Variants in CHST11 observed in about 807,000 individuals in gnomAD.
CHST11 encodes C4S-1.
Under a neutral mutation model 30.4 loss-of-function variants are expected in CHST11, and 9 were observed. That is an observed-to-expected ratio of 0.30 (90% CI 0.18 to 0.52). The LOEUF is 0.52. CHST11 is among the 20% of genes least tolerant of loss of function. The pLI is 0.97. For missense variants in CHST11, 348 were observed against 460.6 expected (o/e 0.76, Z 2.24); for synonymous variants, 152 against 187.8 (o/e 0.81, Z 1.56).
chr12:104,686,408 G>A (rs2039846999), intron 2 of CHST11, among the ~76,000 whole-genome samples: 1 of 152,096 alleles, frequency 6.6e-6, no homozygotes, highest in South Asian at 2.1e-4. Flanking sequence ...AGGTGCAGAA[G>A]ACAGTAAAGA....
intron 1 of CHST11, among the ~76,000 whole-genome samples, chr12:104,546,787 A>AG (rs1192568501): frequency 1.3e-5 from 2 of 152,322 alleles, no homozygotes; most frequent in East Asian, 3.9e-4. Context: ...AAGTCCAGAA[A>AG]CAAAAGAGAA....
intron 2 of CHST11, among the ~76,000 whole-genome samples, chr12:104,695,997 G>C (rs900951234): frequency 1.3e-5 from 2 of 152,204 alleles, no homozygotes; most frequent in Admixed American, 1.3e-4. Flanking sequence ...GCGGAGCTGA[G>C]AAAGGGAAGC....
intron 2 of CHST11, among the ~76,000 whole-genome samples, chr12:104,647,473 T>C (rs115563037): frequency 3.6e-4 from 55 of 152,222 alleles, no homozygotes; most frequent in African/African-American, 1.3e-3. Flanking sequence ...ATTCCTCTAC[T>C]CAAAGGTAAT....
chr12:104,586,477 G>C (rs11112112), intron 1 of CHST11, among the ~76,000 whole-genome samples: 53,548 of 152,066 alleles, frequency 0.35, 9,524 homozygotes, highest in East Asian at 0.48. Context: ...GGACTCAAGG[G>C]GAGGAGGCAG....
At chr12:104,589,873 GT>G (rs1048381129) in intron 1 of CHST11, among the ~76,000 whole-genome samples, 2 of 152,110 alleles carry the variant, frequency 1.3e-5, no homozygotes, top group African/African-American at 4.8e-5. Context: ...GCTGGGCGTG[GT>G]GGCACATGCC....
At chr12:104,681,909 C>T (rs1301024025) in intron 2 of CHST11, among the ~76,000 whole-genome samples, 7 of 144,304 alleles carry the variant, frequency 4.9e-5, no homozygotes, top group African/African-American at 1.3e-4. Context: ...CGGCTCCCTG[C>T]GAGCTCTGCC....
At chr12:104,648,176 G>A (rs181114770) in intron 2 of CHST11, among the ~76,000 whole-genome samples, 5 of 152,224 alleles carry the variant, frequency 3.3e-5, no homozygotes, top group Non-Finnish European at 7.4e-5. Context: ...TGCAATAATT[G>A]CTTCTTCACC....
Position 104,664,155 on chromosome 12 carries a change from C to T in CHST11, c.204+62164C>T, listed in dbSNP as rs544209528. ...TATATCACCTCTCTTCTATAAACCG[C>T]GAAATGCTGACTGTGCCTGTAGCCT... is the stretch of plus-strand genomic sequence containing the variant. On this transcript the variant is annotated intron_variant, in intron 2 of 2. Coordinates refer to ENST00000303694, the MANE Select transcript of CHST11 (RefSeq NM_018413.6). Among the ~76,000 whole-genome samples the T allele has an allele frequency of 7.9e-5, 12 of 152,254 alleles. No individual in the cohort carries two copies. The East Asian group carries it at 1.4e-3, about 17-fold the overall frequency.
intron 2 of CHST11, among the ~76,000 whole-genome samples, chr12:104,623,182 A>G (rs1206386734): frequency 1.3e-5 from 2 of 152,228 alleles, no homozygotes; most frequent in Non-Finnish European, 2.9e-5. Flanking sequence ...GCCGAGAGCC[A>G]GAGGTCTTGA....
At chr12:104,526,223 AAAAG>A (rs1358949278) in intron 1 of CHST11, among the ~76,000 whole-genome samples, 11 of 150,256 alleles carry the variant, frequency 7.3e-5, no homozygotes, top group East Asian at 6.1e-4. Context: ...CTTAAAAAAA[AAAAG>A]AAAAGAAAAG....
chr12:104,723,918 A>C (rs769819915), intron 2 of CHST11, among the ~76,000 whole-genome samples: 2 of 152,252 alleles, frequency 1.3e-5, no homozygotes, highest in Non-Finnish European at 2.9e-5. Flanking sequence ...CTGGGGAAGT[A>C]GGAGAAAGAC....
chr12:104,609,201 C>T lies in CHST11; in HGVS notation c.204+7210C>T, dbSNP rs761635631. The stretch of plus-strand genomic sequence containing the variant: ...CCAACCACCTGGTAAATGACGAGTT[C>T]GTCTAATTATCTTCTTTGACTCAGC... On this transcript the variant is annotated intron_variant, in intron 2 of 2. Coordinates refer to ENST00000303694, the MANE Select transcript of CHST11 (RefSeq NM_018413.6). Among the ~76,000 whole-genome samples, 8 of 152,274 alleles carry T rather than the reference C, an allele frequency of 5.3e-5. No individual in the cohort carries two copies. The South Asian group carries it at 1.0e-3, about 20-fold the overall frequency.
At chr12:104,544,478 G>C (rs1027142923) in intron 1 of CHST11, among the ~76,000 whole-genome samples, 2 of 151,910 alleles carry the variant, frequency 1.3e-5, no homozygotes, top group Non-Finnish European at 2.9e-5. Context: ...GCACTTTGGC[G>C]GGGGGATCAC....
chr12:104,601,864 T>A, intron 1 of CHST11, 42 bp from the exon 2 acceptor site: 1 of 1,506,718 alleles, frequency 6.6e-7, no homozygotes, highest in Non-Finnish European at 9.2e-7. Context: ...ACAACAAATC[T>A]TTGTTGCTCA....
At chr12:104,734,920 T>C (rs1350737271) in intron 2 of CHST11, among the ~76,000 whole-genome samples, 2 of 152,222 alleles carry the variant, frequency 1.3e-5, no homozygotes, top group Non-Finnish European at 2.9e-5. Flanking sequence ...ATCATCATCG[T>C]GTTGTTTACG....
chr12:104,457,375 T>G lies in CHST11; in HGVS notation c.-37T>G, dbSNP rs1271741252. 1 of 1,536,162 alleles carries G rather than the reference T, an allele frequency of 6.5e-7. No individual in the cohort carries two copies. Among genetic ancestry groups the G allele is most frequent in the Non-Finnish European group, 9.0e-7 (1 of 1,112,826 alleles). ...CCTGCTCCTGCGCCCCGGGCGCGCT[T>G]CCCGGACACCCCGGTCCCCGCAGCC... On this transcript the variant is annotated 5_prime_UTR_variant, in exon 1 of 3. Transcript: ENST00000303694.
chr12:104,501,833 A>T (rs1180770346), intron 1 of CHST11, among the ~76,000 whole-genome samples: 1 of 152,224 alleles, frequency 6.6e-6, no homozygotes, highest in Non-Finnish European at 1.5e-5. Context: ...TTGGCAAATC[A>T]GAAGTGCCAT....
rs1354751896 is a variant in CHST11, at chr12:104,761,180, A to G, written c.*3377A>G. Reference sequence around the variant, plus strand: ...GCTGACCTGTGGTATCTCAGAGGGGACGTTCCTCCTCCTCCCTGTGCACCA... The same window carrying G: ...GCTGACCTGTGGTATCTCAGAGGGGGCGTTCCTCCTCCTCCCTGTGCACCA... On this transcript the variant is annotated 3_prime_UTR_variant, in exon 3 of 3. Coordinates refer to ENST00000303694, the MANE Select transcript of CHST11 (RefSeq NM_018413.6). 6.6e-6 allele frequency: 1 copy of G among 152,064 alleles called. No individual in the cohort carries two copies. The highest frequency in any genetic ancestry group is 2.4e-5 in the African/African-American group (1 of 41,350). 9.4% of individuals were successfully genotyped at this position (152,064 alleles called of 1,614,324 possible).
chr12:104,736,761 C>T (rs1328179282), intron 2 of CHST11, among the ~76,000 whole-genome samples: 1 of 152,202 alleles, frequency 6.6e-6, no homozygotes, highest in Non-Finnish European at 1.5e-5. Flanking sequence ...GAACTCCATC[C>T]AGGTGTCCAT....
Sources: gnomAD v4.1 joint callset for allele counts (sites outside exome capture counted in the v4.1 genomes callset) on GRCh38, gnomAD v4.1.1 for gene constraint, MANE v1.5 for transcripts, NCBI Gene and HGNC (gene_info 2026-07-23, HGNC 2026-07-21) for gene names.